The following NTM variants were observed in gnomAD, a reference collection of about 807,000 sequenced individuals.
NTM encodes IgLON family member 2.
In NTM, 13 loss-of-function variants were observed where a neutral mutation model predicts 42.1. The ratio of observed to expected loss-of-function variants is 0.31; its 90% CI spans 0.20 to 0.49. NTM has a LOEUF of 0.49. Ranked by LOEUF, NTM falls within the 20% of genes least tolerant of loss-of-function variation. The pLI is 0.99. For synonymous variants in NTM, 187 were observed against 179.2 expected (o/e 1.04, Z -0.35); for missense variants, 373 against 452.8 (o/e 0.82, Z 1.60).
intron 1 of NTM, among the ~76,000 whole-genome samples, chr11:131,692,809 G>A (rs1373554613): frequency 6.6e-6 from 1 of 151,958 alleles, no homozygotes; most frequent in African/African-American, 2.4e-5. Context: ...AAAGTCAGAG[G>A]CAAAAAAGGG....
chr11:132,119,457 C>T (rs116205927), intron 2 of NTM, among the ~76,000 whole-genome samples: 2 of 152,120 alleles, frequency 1.3e-5, no homozygotes, highest in South Asian at 2.1e-4. Context: ...CCACCACCGG[C>T]CTCCACAGCC....
intron 1 of NTM, among the ~76,000 whole-genome samples, chr11:131,512,544 G>A (rs991054182): frequency 6.6e-6 from 1 of 152,170 alleles, no homozygotes; most frequent in African/African-American, 2.4e-5. Context: ...AAAGTCAAAT[G>A]CCAGGGCTGT....
At chr11:132,072,551 A>G (rs546889868) in intron 2 of NTM, among the ~76,000 whole-genome samples, 5 of 152,342 alleles carry the variant, frequency 3.3e-5, no homozygotes, top group African/African-American at 1.2e-4. Context: ...GCCTTTAGCT[A>G]TATTTTCAGA....
intron 2 of NTM, among the ~76,000 whole-genome samples, chr11:132,098,849 A>G (rs1439015669): frequency 6.6e-6 from 1 of 152,258 alleles, no homozygotes; most frequent in African/African-American, 2.4e-5. Context: ...TGTGCAGTGA[A>G]CAACCTGCAC....
At chr11:132,213,477 G>T (rs2083248295) in intron 4 of NTM, among the ~76,000 whole-genome samples, 2 of 152,100 alleles carry the variant, frequency 1.3e-5, no homozygotes, top group South Asian at 4.2e-4. Flanking sequence ...GACACAGGGG[G>T]CTGACCACCG....
chr11:131,604,305 G>C (rs902576410), intron 1 of NTM, among the ~76,000 whole-genome samples: 4 of 152,014 alleles, frequency 2.6e-5, no homozygotes, highest in Non-Finnish European at 5.9e-5. Context: ...GTGGTTATTG[G>C]CCATTTGTAT....
At chr11:131,752,298 T>C (rs1171699935) in intron 1 of NTM, among the ~76,000 whole-genome samples, 1 of 152,224 alleles carries the variant, frequency 6.6e-6, no homozygotes, top group African/African-American at 2.4e-5. Flanking sequence ...ATGCTCATCA[T>C]CACTGACCAT....
chr11:132,058,358 AT>A (rs1379282482), intron 2 of NTM, among the ~76,000 whole-genome samples: 3 of 152,064 alleles, frequency 2.0e-5, no homozygotes, highest in Non-Finnish European at 4.4e-5. Flanking sequence ...TGAGTCCTTG[AT>A]CCTCCCAATG....
intron 1 of NTM, among the ~76,000 whole-genome samples, chr11:131,655,824 G>A (rs1422193452): frequency 6.6e-6 from 1 of 152,250 alleles, no homozygotes; most frequent in African/African-American, 2.4e-5. Flanking sequence ...GTGCTGCTCA[G>A]AGAAATTCTA....
intron 4 of NTM, among the ~76,000 whole-genome samples, chr11:132,256,826 C>A (rs969577493): frequency 1.3e-5 from 2 of 152,212 alleles, no homozygotes; most frequent in Non-Finnish European, 2.9e-5. Flanking sequence ...GAGAGTGGGC[C>A]TGCCGCCCAC....
chr11:131,534,513 T>C (rs1487782248), intron 1 of NTM: 2 of 152,124 alleles, frequency 1.3e-5, no homozygotes, highest in East Asian at 3.9e-4. Context: ...CCTGGTAACA[T>C]TAAATAGGGC....
chr11:131,379,738 A>G (rs1942415333), intron 1 of NTM, among the ~76,000 whole-genome samples: 1 of 152,116 alleles, frequency 6.6e-6, no homozygotes. Flanking sequence ...TGAAACTGTG[A>G]TTTCCTCCCT....
At chr11:132,120,446 C>T (rs1271527962) in intron 2 of NTM, among the ~76,000 whole-genome samples, 1 of 152,162 alleles carries the variant, frequency 6.6e-6, no homozygotes, top group Non-Finnish European at 1.5e-5. Context: ...ACACTTTAGA[C>T]CCAGCTAATG....
intron 2 of NTM, among the ~76,000 whole-genome samples, chr11:132,138,902 G>A (rs147244375): frequency 4.9e-4 from 74 of 152,228 alleles, no homozygotes; most frequent in African/African-American, 1.6e-3. Flanking sequence ...CAGAAATAAC[G>A]TGCTACCAGC....
chr11:132,021,601 A>G (rs1376162104), intron 2 of NTM, among the ~76,000 whole-genome samples: 1 of 152,140 alleles, frequency 6.6e-6, no homozygotes, highest in African/African-American at 2.4e-5. Flanking sequence ...CTTCTTTGCT[A>G]TGCATGAACA....
chr11:131,616,190 A>G (rs370298690), intron 1 of NTM, among the ~76,000 whole-genome samples: 15 of 152,198 alleles, frequency 9.9e-5, no homozygotes, highest in African/African-American at 3.6e-4. Context: ...GAGATGAAGG[A>G]CAAATTGCAT....
In NTM at chr11:131,745,227, T is replaced by G. The variant is rs1050111293; in HGVS notation, c.83-166337T>G. 2.0e-5 allele frequency among the ~76,000 whole-genome samples: 3 copies of G among 152,152 alleles called. No homozygotes were observed. In the East Asian group the frequency reaches 5.8e-4, roughly 29 times the overall value. The stretch of plus-strand genomic sequence containing the variant: ...TTTCCTCGAGCTTTCCCTGTAGGAC[T>G]TGGAGGGATTCCTAAAGAGAACAGA... On this transcript the variant is annotated intron_variant, in intron 1 of 8. Coordinates refer to ENST00000683400, the MANE Select transcript of NTM (RefSeq NM_001352005.2).
At chr11:131,605,411 G>T (rs894255513) in intron 1 of NTM, among the ~76,000 whole-genome samples, 2 of 152,118 alleles carry the variant, frequency 1.3e-5, no homozygotes, top group Admixed American at 1.3e-4. Flanking sequence ...TGTGTACCCC[G>T]CACATTTACT....
At chr11:132,057,603 T>A (rs990841244) in intron 2 of NTM, among the ~76,000 whole-genome samples, 2 of 152,346 alleles carry the variant, frequency 1.3e-5, no homozygotes, top group African/African-American at 2.4e-5. Flanking sequence ...TCCTCTGTAC[T>A]TCTGCATCCT....
Sources: gnomAD v4.1 joint callset for allele counts (sites outside exome capture counted in the v4.1 genomes callset) on GRCh38, gnomAD v4.1.1 for gene constraint, MANE v1.5 for transcripts, NCBI Gene and HGNC (gene_info 2026-07-23, HGNC 2026-07-21) for gene names.